COMMD10: variants seen among roughly 807,000 people sequenced by gnomAD.
The protein encoded by COMMD10 is COMM domain containing 10, also known as COMM domain-containing protein 10.
In COMMD10, 33 loss-of-function variants were observed where a neutral mutation model predicts 28.9. That is an observed-to-expected ratio of 1.14 (90% CI 0.87 to 1.53). The LOEUF (loss-of-function observed/expected upper bound fraction) is 1.53, where lower values mean the gene tolerates loss of function less well. COMMD10 is among the 40% of genes most tolerant of loss of function. The pLI, the probability that COMMD10 is intolerant of heterozygous loss-of-function variation, is 0.00. For missense variants in COMMD10, 310 were observed against 233.4 expected (o/e 1.33, Z -2.14); for synonymous variants, 110 against 81.7 (o/e 1.35, Z -1.87).
rs1256063015 is a variant in COMMD10 at position 116,106,423 on chromosome 5, A to G, written c.399+13723A>G. On this transcript the variant is annotated intron_variant, in intron 4 of 6. Coordinates refer to ENST00000274458, the MANE Select transcript of COMMD10 (RefSeq NM_016144.4). The stretch of plus-strand genomic sequence containing the variant: ...TTCCAATTATGTGGTCAATTTTAGA[A>G]TAAGTGCGTTATGGTGCTGAGAATA... Among the ~76,000 whole-genome samples the G allele has an allele frequency of 3.9e-5, 6 of 152,260 alleles. No homozygotes were observed. In the East Asian group the frequency reaches 7.7e-4, roughly 20 times the overall value.
At chr5:116,239,220 G>A (rs551600707) in intron 5 of COMMD10, among the ~76,000 whole-genome samples, 7 of 152,110 alleles carry the variant, frequency 4.6e-5, no homozygotes, top group African/African-American at 1.2e-4. Context: ...TAGGTTCTTG[G>A]TTAACCAGCA....
At chr5:116,247,665 C>A (rs10061357) in intron 5 of COMMD10, among the ~76,000 whole-genome samples, 57,142 of 151,826 alleles carry the variant, frequency 0.38, 13,320 homozygotes, top group African/African-American at 0.67. Context: ...TTTGCAGGGA[C>A]ATGGATGGAG....
At chr5:116,264,427 A>T (rs1473929040) in intron 5 of COMMD10, among the ~76,000 whole-genome samples, 1 of 151,918 alleles carries the variant, frequency 6.6e-6, no homozygotes, top group East Asian at 1.9e-4. Flanking sequence ...CTGTAATTTG[A>T]CAATTCATTT....
chr5:116,217,025 GACATAGTCATT>G (rs1182558093), intron 5 of COMMD10, among the ~76,000 whole-genome samples: 2 of 151,780 alleles, frequency 1.3e-5, no homozygotes, highest in African/African-American at 2.4e-5. Flanking sequence ...CTTTTGAGTA[GACATAGTCATT>G]ACATAGTCAT....
At chr5:116,154,768 A>C (rs1354642157) in intron 5 of COMMD10, among the ~76,000 whole-genome samples, 2 of 141,440 alleles carry the variant, frequency 1.4e-5, no homozygotes, top group African/African-American at 2.7e-5. Flanking sequence ...ATACATTTTA[A>C]AGTGAGTGAT....
Position 116,235,794 on chromosome 5 carries a change from TCTTCGATGGATAAAA to T in COMMD10, c.511-55718_511-55704del, listed in dbSNP as rs543292074. 1.5e-3 allele frequency among the ~76,000 whole-genome samples: 224 copies of T among 152,298 alleles called. 3 individuals carry two copies. Among genetic ancestry groups the T allele is most frequent in the African/African-American group, 5.1e-3 (211 of 41,570 alleles). ...AATCTCTTAAGGGTTTTCTTCTTTA[TCTTCGATGGATAAAA>T]CTTCAAGAGAATATATTTGGATTCA... On this transcript the variant is annotated intron_variant, in intron 5 of 6. Transcript: ENST00000274458.
intron 5 of COMMD10, among the ~76,000 whole-genome samples, chr5:116,147,058 C>G (rs1414048891): frequency 6.6e-6 from 1 of 151,738 alleles, no homozygotes; most frequent in East Asian, 1.9e-4. Context: ...CCCGAGATAG[C>G]TAATGATGAT....
In COMMD10 at chr5:116,150,906, T is replaced by C. The variant is rs1254074745; in HGVS notation, c.510+16728T>C. Among the ~76,000 whole-genome samples, 29 of 150,754 alleles carry C rather than the reference T, an allele frequency of 1.9e-4. 1 individual carries two copies. Among genetic ancestry groups the C allele is most frequent in the Non-Finnish European group, 7.4e-5 (5 of 67,748 alleles). On this transcript the variant is annotated intron_variant, in intron 5 of 6. Coordinates refer to ENST00000274458, the MANE Select transcript of COMMD10 (RefSeq NM_016144.4). ...CTTCCAACACTATGTTGAATAGGAG[T>C]GGTGAGAGAGGGCATCCCTGTCTTG...
intron 5 of COMMD10, among the ~76,000 whole-genome samples, chr5:116,255,250 C>G (rs1199932190): frequency 1.3e-5 from 2 of 151,718 alleles, no homozygotes; most frequent in Admixed American, 1.3e-4. Flanking sequence ...GACTCTTTAT[C>G]CAATTTGCCA....
chr5:116,242,260 T>C (rs1352680480), intron 5 of COMMD10, among the ~76,000 whole-genome samples: 1 of 152,232 alleles, frequency 6.6e-6, no homozygotes, highest in Non-Finnish European at 1.5e-5. Flanking sequence ...TGTTAAGGTA[T>C]ATAAATGCAT....
At chr5:116,261,671 T>G (rs940575558) in intron 5 of COMMD10, among the ~76,000 whole-genome samples, 2 of 151,790 alleles carry the variant, frequency 1.3e-5, no homozygotes, top group Admixed American at 1.3e-4. Flanking sequence ...TATTTTTGCA[T>G]ATGTACAGAT....
intron 5 of COMMD10, among the ~76,000 whole-genome samples, chr5:116,278,479 T>C (rs1339652774): frequency 1.3e-5 from 2 of 151,804 alleles, no homozygotes; most frequent in East Asian, 1.9e-4. Context: ...AAGGAAAATA[T>C]AGTGATGATA....
At position 116,274,127 on chromosome 5, in the gene COMMD10, C is replaced by A. The variant is rs1413206300; in HGVS notation, c.511-17390C>A. Among the ~76,000 whole-genome samples the A allele has an allele frequency of 1.3e-5, 2 of 151,708 alleles. 1 individual carries two copies. Among genetic ancestry groups the A allele is most frequent in the African/African-American group, 4.9e-5 (2 of 41,142 alleles). On this transcript the variant is annotated intron_variant, in intron 5 of 6. Transcript: ENST00000274458. ...AGTGAAGAGGGTCTGAAATTTCAAC[C>A]TTGAGATGCACTTACACTGTATTCA...
chr5:116,243,106 A>G (rs1749852997), intron 5 of COMMD10, among the ~76,000 whole-genome samples: 1 of 152,224 alleles, frequency 6.6e-6, no homozygotes, highest in African/African-American at 2.4e-5. Context: ...AGTACTACTC[A>G]TGGAACAAAT....
At chr5:116,261,668 G>T (rs893395724) in intron 5 of COMMD10, among the ~76,000 whole-genome samples, 1 of 151,430 alleles carries the variant, frequency 6.6e-6, no homozygotes, top group African/African-American at 2.4e-5. Context: ...GCATATTTTT[G>T]CATATGTACA....
At chr5:116,122,115 G>A (rs533406011) in intron 4 of COMMD10, among the ~76,000 whole-genome samples, 5 of 152,276 alleles carry the variant, frequency 3.3e-5, no homozygotes, top group African/African-American at 1.2e-4. Flanking sequence ...TATGTTTTAG[G>A]TCTAACATGT....
intron 5 of COMMD10, among the ~76,000 whole-genome samples, chr5:116,173,845 TTTTG>T (rs1285875169): frequency 0.055 from 6,313 of 115,524 alleles, 126 homozygotes; most frequent in East Asian, 0.13. Context: ...TTTGTTTTGT[TTTTG>T]TTTTTTTTTT....
At chr5:116,124,920 T>C (rs1751571249) in intron 4 of COMMD10, among the ~76,000 whole-genome samples, 1 of 152,194 alleles carries the variant, frequency 6.6e-6, no homozygotes, top group African/African-American at 2.4e-5. Context: ...ATTTGCTTGG[T>C]AGATCTTCCT....
At chr5:116,172,069 C>T (rs9326996) in intron 5 of COMMD10, among the ~76,000 whole-genome samples, 1 of 152,018 alleles carries the variant, frequency 6.6e-6, no homozygotes, top group African/African-American at 2.4e-5. Context: ...GTGGTATGTC[C>T]AGAGCTTACA....
Sources: allele counts gnomAD v4.1 joint callset (sites outside exome capture counted in the v4.1 genomes callset), GRCh38; gene constraint gnomAD v4.1.1; transcripts MANE v1.5; gene names NCBI Gene and HGNC (gene_info 2026-07-23, HGNC 2026-07-21).